Variants in DUSP4 observed in about 807,000 individuals in gnomAD.
The protein encoded by DUSP4 is dual specificity phosphatase 4.
DUSP4 carries 12 observed loss-of-function variants against 27.2 expected under a neutral mutation model. That is an observed-to-expected ratio of 0.44 (90% CI 0.28 to 0.71). The LOEUF (loss-of-function observed/expected upper bound fraction) is 0.71, where lower values mean the gene tolerates loss of function less well. Among genes scored for constraint, DUSP4 ranks in the 30% least tolerant of loss-of-function variants. The probability of loss-of-function intolerance (pLI) is 0.14; values close to 1 mark genes in which losing one functional copy is unlikely to be tolerated. For synonymous variants in DUSP4, 257 were observed against 245.2 expected, an observed-to-expected ratio of 1.05 and a Z score of -0.45; for missense variants, 448 against 551.3, an observed-to-expected ratio of 0.81 and a Z score of 1.88.
chr8:29,349,819 C>CAA (rs1817794985), intron 1 of DUSP4, 27 bp downstream of exon 1: 1 of 1,473,970 alleles, frequency 6.8e-7, no homozygotes, highest in African/African-American at 1.4e-5. Flanking sequence ...TCCCCGACTC[C>CAA]AGCTAGCGCC....
In DUSP4 at chr8:29,344,789, GATGGGGAAGACTGTCCTTTGGTGGTGACT is replaced by G. The variant is rs541154665; in HGVS notation, c.434-4575_434-4547del. 1.6e-3 allele frequency among the ~76,000 whole-genome samples: 243 copies of G among 151,982 alleles called. 2 individuals are homozygous for G. Among genetic ancestry groups the G allele is most frequent in the African/African-American group, 5.6e-3 (233 of 41,480 alleles). On this transcript the variant is annotated intron_variant, in intron 1 of 3. Coordinates refer to ENST00000240100, the MANE Select transcript of DUSP4 (RefSeq NM_001394.7). ...TAATAGGACTGTTACTGGGATTTGT[GATGGGGAAGACTGTCCTTTGGTGGTGACT>G]ATGGTCATGGATCTTTTTTTTTTTT...
At chr8:29,348,270 G>C in intron 1 of DUSP4, 3 of 985,654 alleles carry the variant, frequency 3.0e-6, no homozygotes, top group Non-Finnish European at 3.6e-6. Context: ...CGTCCCAGAG[G>C]AATTGCCCTC....
At position 29,335,304 on chromosome 8, in the gene DUSP4, C is replaced by G. The variant is rs990755241; in HGVS notation, c.*1722G>C. On this transcript the variant is annotated 3_prime_UTR_variant, in exon 4 of 4. Transcript: ENST00000240100. ...AAGGATTCAAAATGGCACCCACGTG[C>G]CGACGATAGATTCAAAATGGCGCCT... The G allele has an allele frequency of 1.3e-5, 2 of 151,834 alleles. No homozygotes were observed. The highest frequency in any genetic ancestry group is 4.8e-5 in the African/African-American group (2 of 41,364). The allele number at this position is 151,834 out of a possible 1,614,324, so 9.4% of individuals were successfully genotyped here.
At chr8:29,348,862 G>C (rs1226400152) in intron 1 of DUSP4, 33 of 922,058 alleles carry the variant, frequency 3.6e-5, no homozygotes, top group Non-Finnish European at 4.1e-5. Context: ...GGAATGCGGC[G>C]GCGGGAGGCG....
At chr8:29,338,164 G>T in intron 3 of DUSP4, 118 bp downstream of exon 3, 2 of 1,026,098 alleles carry the variant, frequency 1.9e-6, no homozygotes, top group Non-Finnish European at 2.9e-6. Flanking sequence ...GGAAGAGGGG[G>T]AATGGGGACC....
intron 1 of DUSP4, among the ~76,000 whole-genome samples, chr8:29,343,954 G>C (rs1175727527): frequency 2.6e-5 from 4 of 152,184 alleles, no homozygotes; most frequent in Admixed American, 2.6e-4. Flanking sequence ...CCTTTCAAGA[G>C]CTAGATTTAG....
At chr8:29,348,251 G>A in intron 1 of DUSP4, 7 of 985,524 alleles carry the variant, frequency 7.1e-6, no homozygotes, top group Non-Finnish European at 7.2e-6. Context: ...GGCCATTCGA[G>A]GGGACTTGCG....
intron 1 of DUSP4, among the ~76,000 whole-genome samples, chr8:29,340,768 C>T (rs565070528): frequency 9.2e-5 from 14 of 152,250 alleles, no homozygotes; most frequent in South Asian, 2.1e-4. Flanking sequence ...ATAGCTGTTC[C>T]GTCACCAAGA....
At chr8:29,349,660 G>A (rs372708464) in intron 1 of DUSP4, among the ~76,000 whole-genome samples, 186 bp downstream of exon 1, 6 of 152,352 alleles carry the variant, frequency 3.9e-5, no homozygotes, top group African/African-American at 1.2e-4. Context: ...TTTCCCTGAG[G>A]ACTTGAACCT....
intron 1 of DUSP4, 92 bp from the exon 2 acceptor site, chr8:29,340,335 T>C: frequency 2.0e-6 from 3 of 1,472,484 alleles, no homozygotes; most frequent in African/African-American, 1.4e-5. Flanking sequence ...GGCGGACTGC[T>C]AGGAAGGCAG....
At position 29,337,452 on chromosome 8, in the gene DUSP4, AC is replaced by A; in HGVS notation, c.800-42del. 6.5e-7 allele frequency: 1 copy of A among 1,541,872 alleles called. No individual in the cohort carries two copies. On this transcript the variant is annotated intron_variant, in intron 3 of 3. Transcript: ENST00000240100. This position sits in a 1 kb window ranked among gnomAD's most constrained non-coding sequence, Gnocchi z 6.4. ...AATAGGTTAGTGCACGTTTCTGCAGACCCCAGCCCCGACCAGGGGCACCGGC... is the reference window on the plus strand; with the variant it reads ...AATAGGTTAGTGCACGTTTCTGCAGACCCAGCCCCGACCAGGGGCACCGGC...
chr8:29,346,099 T>G (rs1817730827), intron 1 of DUSP4: 1 of 984,486 alleles, frequency 1.0e-6, no homozygotes. Context: ...AACAGAAAAA[T>G]GTCACCAGAG....
intron 1 of DUSP4, among the ~76,000 whole-genome samples, chr8:29,346,803 T>A (rs1817740575): frequency 2.0e-5 from 3 of 152,164 alleles, no homozygotes; most frequent in African/African-American, 7.2e-5. Flanking sequence ...TCAACGTGGT[T>A]GAAGTAACCC....
intron 1 of DUSP4, chr8:29,347,795 A>T: frequency 1.0e-6 from 1 of 985,520 alleles, no homozygotes; most frequent in Non-Finnish European, 1.2e-6. Context: ...TTTTACCTAG[A>T]GGCCTGTACT....
In DUSP4 at chr8:29,337,588, G is replaced by C. The variant is rs1182494600; in HGVS notation, c.800-177C>G. 6.6e-6 allele frequency among the ~76,000 whole-genome samples: 1 copy of C among 152,200 alleles called. No homozygotes were observed. The highest frequency in any genetic ancestry group is 2.4e-5 in the African/African-American group (1 of 41,444). ...GTCTCTAGAATGCCCCCAATTCTGA[G>C]GTCTATTTTCCCGAATCACTATGCT... On this transcript the variant is annotated intron_variant, in intron 3 of 3. Transcript: ENST00000240100. This position sits in a 1 kb window ranked among gnomAD's most constrained non-coding sequence, Gnocchi z 6.4.
Position 29,349,830 on chromosome 8 carries a change from C to T in DUSP4, c.433+16G>A, listed in dbSNP as rs1476261272. The T allele has an allele frequency of 4.1e-6, 6 of 1,478,872 alleles. No homozygotes were observed. The East Asian group carries it at 1.4e-4, about 35-fold the overall frequency. 91.6% of individuals were successfully genotyped at this position (1,478,872 alleles called of 1,614,324 possible). ...CATCTCCCCGACTCCAGCTAGCGCCCGGAGCCCTCGTTTACCTTTGAGCAG... is the reference window on the plus strand; with the variant it reads ...CATCTCCCCGACTCCAGCTAGCGCCTGGAGCCCTCGTTTACCTTTGAGCAG... On this transcript the variant is annotated intron_variant, in intron 1 of 3. Coordinates refer to ENST00000240100, the MANE Select transcript of DUSP4 (RefSeq NM_001394.7).
In DUSP4 at chr8:29,336,861, G is replaced by A. The variant is rs957625442; in HGVS notation, c.*165C>T. 1 of 975,844 alleles carries A rather than the reference G, an allele frequency of 1.0e-6. No homozygotes were observed. Among genetic ancestry groups the A allele is most frequent in the Admixed American group, 3.1e-5 (1 of 32,002 alleles). 60.4% of individuals were successfully genotyped at this position (975,844 alleles called of 1,614,324 possible). A position where few individuals can be genotyped will look rare whatever the true frequency, so the allele number is the denominator to read the frequency against. ...TGTTTGCTTTTATTATGTATTCGGA[G>A]TCCTTATTGCCATTCTGGCTGGCCT... On this transcript the variant is annotated 3_prime_UTR_variant, in exon 4 of 4. Coordinates refer to ENST00000240100, the MANE Select transcript of DUSP4 (RefSeq NM_001394.7).
At chr8:29,344,533 A>T (rs567436) in intron 1 of DUSP4, among the ~76,000 whole-genome samples, 44,227 of 152,064 alleles carry the variant, frequency 0.29, 6,979 homozygotes, top group East Asian at 0.6. Flanking sequence ...GTCTGGAAGA[A>T]AAAAAGGAGT....
At chr8:29,348,892 G>T in intron 1 of DUSP4, 3 of 634,054 alleles carry the variant, frequency 4.7e-6, no homozygotes, top group Non-Finnish European at 5.9e-6. Flanking sequence ...CGCGGCGGGG[G>T]GCGCCCGGAC....
Sources: allele counts gnomAD v4.1 joint callset (sites outside exome capture counted in the v4.1 genomes callset), GRCh38; gene constraint gnomAD v4.1.1; non-coding constraint Gnocchi (gnomAD v3.1); transcripts MANE v1.5; gene names NCBI Gene and HGNC (gene_info 2026-07-23, HGNC 2026-07-21).